The following IMMP2L variants were observed in gnomAD, a reference collection of about 807,000 sequenced individuals.
IMMP2L encodes inner mitochondrial membrane peptidase subunit 2.
IMMP2L carries 18 observed loss-of-function variants against 19.3 expected under a neutral mutation model. The ratio of observed to expected loss-of-function variants is 0.93; its 90% CI spans 0.64 to 1.38. IMMP2L has a LOEUF of 1.38. Ranked by LOEUF, IMMP2L falls within the 40% of genes most tolerant of loss-of-function variation. The probability of loss-of-function intolerance (pLI) is 0.00; values close to 1 mark genes in which losing one functional copy is unlikely to be tolerated. For synonymous variants in IMMP2L, 76 were observed against 73.0 expected (o/e 1.04, Z -0.21); for missense variants, 233 against 218.2 (o/e 1.07, Z -0.43).
chr7:111,341,203 A>C (rs1826975068), intron 3 of IMMP2L, among the ~76,000 whole-genome samples: 2 of 152,252 alleles, frequency 1.3e-5, no homozygotes, highest in South Asian at 4.2e-4. Context: ...ATCAATCTTT[A>C]ATACAACCTA....
intron 3 of IMMP2L, among the ~76,000 whole-genome samples, chr7:111,041,604 T>A (rs1441754174): frequency 6.6e-6 from 1 of 151,786 alleles, no homozygotes; most frequent in Non-Finnish European, 1.5e-5. Flanking sequence ...TTCTGATGTG[T>A]GTTTGTCACC....
At chr7:111,070,601 C>A (rs1157366725) in intron 3 of IMMP2L, among the ~76,000 whole-genome samples, 1 of 152,010 alleles carries the variant, frequency 6.6e-6, no homozygotes, top group Admixed American at 6.5e-5. Flanking sequence ...CCAAATTGAG[C>A]CTCATCCAAG....
At chr7:111,224,752 G>C (rs1812896752) in intron 3 of IMMP2L, among the ~76,000 whole-genome samples, 1 of 152,072 alleles carries the variant, frequency 6.6e-6, no homozygotes, top group Admixed American at 6.6e-5. Flanking sequence ...TATTTTCACA[G>C]ATGATATGAA....
At chr7:111,022,080 T>C (rs1466739819) in intron 3 of IMMP2L, among the ~76,000 whole-genome samples, 1 of 152,186 alleles carries the variant, frequency 6.6e-6, no homozygotes, top group East Asian at 1.9e-4. Context: ...CAACATTTCC[T>C]AAGTAGAATC....
At chr7:111,447,325 C>A (rs1838590952) in intron 3 of IMMP2L, among the ~76,000 whole-genome samples, 1 of 131,540 alleles carries the variant, frequency 7.6e-6, no homozygotes, top group African/African-American at 3.1e-5. Flanking sequence ...GGATTACCCT[C>A]AAAGGGAAGC....
intron 5 of IMMP2L, among the ~76,000 whole-genome samples, chr7:110,813,933 A>G (rs1433226352): frequency 1.3e-5 from 2 of 152,018 alleles, no homozygotes; most frequent in Non-Finnish European, 2.9e-5. Context: ...AGATAAAATA[A>G]TTTCATCTCA....
At chr7:110,997,004 C>T (rs1475169735) in intron 3 of IMMP2L, among the ~76,000 whole-genome samples, 1 of 151,954 alleles carries the variant, frequency 6.6e-6, no homozygotes, top group East Asian at 1.9e-4. Flanking sequence ...GATTCATGTG[C>T]CATCATAGTC....
intron 3 of IMMP2L, among the ~76,000 whole-genome samples, chr7:111,341,220 C>CA (rs1826977805): frequency 6.6e-6 from 1 of 152,036 alleles, no homozygotes; most frequent in Non-Finnish European, 1.5e-5. Context: ...CCTAACCTCT[C>CA]AGTGATAATT....
chr7:111,287,658 A>G (rs555694722), intron 3 of IMMP2L, among the ~76,000 whole-genome samples: 1 of 152,294 alleles, frequency 6.6e-6, no homozygotes, highest in Non-Finnish European at 1.5e-5. Flanking sequence ...CAAAGTTGTT[A>G]TGAAATTAAA....
At chr7:110,997,120 TAATGTTGTCATTTCAAG>T (rs1294502446) in intron 3 of IMMP2L, among the ~76,000 whole-genome samples, 2 of 152,088 alleles carry the variant, frequency 1.3e-5, no homozygotes, top group Non-Finnish European at 2.9e-5. Flanking sequence ...TCTATCTCTA[TAATGTTGTCATTTCAAG>T]AATGTGATAT....
At chr7:111,428,664 C>T (rs1836327179) in intron 3 of IMMP2L, among the ~76,000 whole-genome samples, 1 of 151,590 alleles carries the variant, frequency 6.6e-6, no homozygotes, top group South Asian at 2.1e-4. Context: ...AAAACTAGAG[C>T]AGTACAAAAA....
chr7:111,437,297 TAAC>T (rs1837274330), intron 3 of IMMP2L, among the ~76,000 whole-genome samples: 1 of 151,352 alleles, frequency 6.6e-6, no homozygotes, highest in East Asian at 1.9e-4. Context: ...AATACAAAAT[TAAC>T]CAGGCAACAT....
intron 3 of IMMP2L, among the ~76,000 whole-genome samples, chr7:111,175,676 C>A (rs1034697): frequency 0.78 from 118,077 of 151,628 alleles, 46,958 homozygotes; most frequent in East Asian, 0.89. Context: ...TGAAATTATT[C>A]CAAGAAAACA....
At chr7:111,505,143 C>G (rs1394930015) in intron 2 of IMMP2L, among the ~76,000 whole-genome samples, 6 of 151,822 alleles carry the variant, frequency 4.0e-5, no homozygotes, top group Non-Finnish European at 8.8e-5. Context: ...AACAAACAAC[C>G]CCATCAAAAA....
At chr7:111,049,513 T>C (rs561816792) in intron 3 of IMMP2L, among the ~76,000 whole-genome samples, 1 of 152,310 alleles carries the variant, frequency 6.6e-6, no homozygotes, top group South Asian at 2.1e-4. Context: ...TTCTTTAAAC[T>C]TCCAGATAAT....
chr7:111,039,367 A>T (rs1341784548), intron 3 of IMMP2L, among the ~76,000 whole-genome samples: 1 of 152,240 alleles, frequency 6.6e-6, no homozygotes, highest in African/African-American at 2.4e-5. Context: ...TTTTAATAAA[A>T]ACAGAATATA....
At chr7:110,812,468 T>C (rs920337213) in intron 5 of IMMP2L, among the ~76,000 whole-genome samples, 1 of 152,048 alleles carries the variant, frequency 6.6e-6, no homozygotes, top group East Asian at 1.9e-4. Context: ...AAATGCAGTA[T>C]AATTCAGAAG....
intron 5 of IMMP2L, among the ~76,000 whole-genome samples, chr7:110,860,461 T>C (rs566341561): frequency 1.4e-4 from 22 of 152,246 alleles, no homozygotes; most frequent in South Asian, 4.1e-4. Flanking sequence ...GATACAATTA[T>C]AGAACTTAAG....
intron 4 of IMMP2L, among the ~76,000 whole-genome samples, chr7:110,893,824 T>C (rs1811058261): frequency 6.6e-6 from 1 of 152,204 alleles, no homozygotes; most frequent in Non-Finnish European, 1.5e-5. Context: ...ACTGTAAAAC[T>C]GTGGCCAAAT....
Sources: allele counts gnomAD v4.1 joint callset (sites outside exome capture counted in the v4.1 genomes callset), GRCh38; gene constraint gnomAD v4.1.1; transcripts MANE v1.5; gene names NCBI Gene and HGNC (gene_info 2026-07-23, HGNC 2026-07-21).